Variants in LDLRAD3 observed in about 807,000 individuals in gnomAD.
LDLRAD3 encodes low-density lipoprotein receptor class A domain-containing protein 3.
Under a neutral mutation model 29.4 loss-of-function variants are expected in LDLRAD3, and 20 were observed. The observed-to-expected ratio is 0.68, with a 90% CI of 0.48 to 0.99. The LOEUF (loss-of-function observed/expected upper bound fraction) is 0.99, where lower values mean the gene tolerates loss of function less well. Ranked by LOEUF, LDLRAD3 falls within the 50% of genes least tolerant of loss-of-function variation. LDLRAD3 has a pLI of 0.00. For synonymous variants in LDLRAD3, 157 were observed against 192.7 expected (o/e 0.81, Z 1.53); for missense variants, 420 against 454.3 (o/e 0.92, Z 0.69).
chr11:35,962,935 A>C (rs185578711), intron 1 of LDLRAD3, among the ~76,000 whole-genome samples: 1 of 152,318 alleles, frequency 6.6e-6, no homozygotes, highest in Admixed American at 6.5e-5. Flanking sequence ...TGTGGTAAAG[A>C]CTAAACCAGA....
intron 4 of LDLRAD3, among the ~76,000 whole-genome samples, chr11:36,131,101 A>C (rs1853919206): frequency 6.6e-6 from 1 of 152,148 alleles, no homozygotes; most frequent in African/African-American, 2.4e-5. Context: ...ATTTATCCAC[A>C]TTGGCATCAG....
chr11:36,094,049 A>G (rs773612163), intron 3 of LDLRAD3, among the ~76,000 whole-genome samples: 17 of 152,222 alleles, frequency 1.1e-4, no homozygotes, highest in African/African-American at 2.4e-4. Flanking sequence ...CAGTTTCTCA[A>G]TCCAGTCTGT....
chr11:36,133,135 C>T (rs1853950118), intron 4 of LDLRAD3, among the ~76,000 whole-genome samples: 1 of 151,958 alleles, frequency 6.6e-6, no homozygotes, highest in Non-Finnish European at 1.5e-5. Context: ...CATTTTCTGG[C>T]ATCTCCTGCA....
At chr11:36,049,699 T>A (rs576918692) in intron 2 of LDLRAD3, among the ~76,000 whole-genome samples, 1 of 152,298 alleles carries the variant, frequency 6.6e-6, no homozygotes, top group East Asian at 1.9e-4. Flanking sequence ...AGGACTCAGG[T>A]AGGTTACATT....
chr11:36,007,855 G>T (rs918013119), intron 1 of LDLRAD3, among the ~76,000 whole-genome samples: 1 of 152,192 alleles, frequency 6.6e-6, no homozygotes, highest in Non-Finnish European at 1.5e-5. Flanking sequence ...TAGTTCAGGT[G>T]CTGGGAAGCG....
At chr11:35,964,496 T>C (rs1407668335) in intron 1 of LDLRAD3, among the ~76,000 whole-genome samples, 1 of 152,092 alleles carries the variant, frequency 6.6e-6, no homozygotes, top group Admixed American at 6.6e-5. Flanking sequence ...ACATAGGCAC[T>C]GGGAAGGCTT....
intron 2 of LDLRAD3, among the ~76,000 whole-genome samples, chr11:36,060,002 G>A (rs150647400): frequency 4.2e-4 from 64 of 152,336 alleles, no homozygotes; most frequent in African/African-American, 1.4e-3. Context: ...GTAGTTTTGC[G>A]AGATGGGTAT....
At chr11:36,144,262 G>A (rs978007378) in intron 4 of LDLRAD3, among the ~76,000 whole-genome samples, 3 of 151,530 alleles carry the variant, frequency 2.0e-5, no homozygotes, top group African/African-American at 4.8e-5. Flanking sequence ...GTGCAGTGGC[G>A]TGATCTCGGC....
chr11:36,026,222 G>T (rs74537762), intron 1 of LDLRAD3, among the ~76,000 whole-genome samples: 6,040 of 152,260 alleles, frequency 0.04, 165 homozygotes, highest in East Asian at 0.11. Flanking sequence ...TACCTATGTT[G>T]AGTGATGTAA....
chr11:36,043,009 T>A (rs1381393834), intron 2 of LDLRAD3, among the ~76,000 whole-genome samples: 2 of 150,112 alleles, frequency 1.3e-5, no homozygotes, highest in Admixed American at 6.6e-5. Context: ...CTCCTTTGTT[T>A]AAAAAAAAAA....
At chr11:36,045,442 AGGCAAGGTGTC>A (rs1188879511) in intron 2 of LDLRAD3, among the ~76,000 whole-genome samples, 1 of 152,222 alleles carries the variant, frequency 6.6e-6, no homozygotes, top group African/African-American at 2.4e-5. Context: ...TAGATGTCTA[AGGCAAGGTGTC>A]GGCCCGGCCG....
At chr11:36,212,139 G>A (rs1455880965) in intron 4 of LDLRAD3, among the ~76,000 whole-genome samples, 2 of 152,040 alleles carry the variant, frequency 1.3e-5, no homozygotes, top group Non-Finnish European at 2.9e-5. Context: ...TGGCCTGCAG[G>A]AGCAGCCCAG....
At chr11:36,223,984 A>C (rs1224937343) in intron 4 of LDLRAD3, among the ~76,000 whole-genome samples, 1 of 151,692 alleles carries the variant, frequency 6.6e-6, no homozygotes, top group African/African-American at 2.4e-5. Context: ...GAACGTTAAT[A>C]ATGTGTATGA....
rs754006718 is a variant in LDLRAD3 at position 36,025,774 on chromosome 11, A to ATT, written c.47-10308_47-10307dup. Among the ~76,000 whole-genome samples, 269 of 84,386 alleles carry ATT rather than the reference A, an allele frequency of 3.2e-3. 5 individuals are homozygous for ATT. The highest frequency in any genetic ancestry group is 7.5e-3 in the African/African-American group (167 of 22,412). 55.4% of individuals were successfully genotyped at this position (84,386 alleles called of 152,430 possible). A position where few individuals can be genotyped will look rare whatever the true frequency, so the allele number is the denominator to read the frequency against. On this transcript the variant is annotated intron_variant, in intron 1 of 5. Transcript: ENST00000315571. ...AGAGGTACCCATGATCCTGAATTTGATTTTTTTTTTTTTTTTTTTTTTGAG... is the reference window on the plus strand; with the variant it reads ...AGAGGTACCCATGATCCTGAATTTGATTTTTTTTTTTTTTTTTTTTTTTTGAG...
chr11:36,160,920 G>A (rs746881236), intron 4 of LDLRAD3, among the ~76,000 whole-genome samples: 6 of 152,038 alleles, frequency 3.9e-5, no homozygotes, highest in East Asian at 1.9e-4. Flanking sequence ...TCACCCTCCC[G>A]AGTAGTTGGG....
chr11:36,135,241 A>T (rs1189869353), intron 4 of LDLRAD3, among the ~76,000 whole-genome samples: 2 of 152,220 alleles, frequency 1.3e-5, no homozygotes, highest in Non-Finnish European at 2.9e-5. Flanking sequence ...TCAAAGCCAG[A>T]AGTCCAGGGA....
intron 1 of LDLRAD3, among the ~76,000 whole-genome samples, chr11:35,985,322 C>T (rs1851601535): frequency 6.6e-6 from 1 of 152,134 alleles, no homozygotes; most frequent in Non-Finnish European, 1.5e-5. Flanking sequence ...GTTAGTAAAT[C>T]TCTAGCATTT....
intron 1 of LDLRAD3, among the ~76,000 whole-genome samples, chr11:36,031,758 G>A (rs116696613): frequency 8.6e-4 from 131 of 152,352 alleles, no homozygotes; most frequent in African/African-American, 3.1e-3. Flanking sequence ...AAGAAGTGAT[G>A]TAAGCTGAGG....
At chr11:36,164,598 T>A (rs1293501997) in intron 4 of LDLRAD3, among the ~76,000 whole-genome samples, 1 of 152,270 alleles carries the variant, frequency 6.6e-6, no homozygotes, top group Non-Finnish European at 1.5e-5. Flanking sequence ...TCCGTGTGTC[T>A]GTTCTTCAGC....
Sources: allele counts gnomAD v4.1 joint callset (sites outside exome capture counted in the v4.1 genomes callset), GRCh38; gene constraint gnomAD v4.1.1; transcripts MANE v1.5; gene names NCBI Gene and HGNC (gene_info 2026-07-23, HGNC 2026-07-21).